The following PRKD1 variants were observed in gnomAD, a reference collection of about 807,000 sequenced individuals.
PRKD1 encodes the protein protein kinase D1, also known as serine/threonine-protein kinase D1.
Under a neutral mutation model 95.9 loss-of-function variants are expected in PRKD1, and 63 were observed. The ratio of observed to expected loss-of-function variants is 0.66; its 90% confidence interval spans 0.54 to 0.81. The LOEUF (loss-of-function observed/expected upper bound fraction) is 0.81, where lower values mean the gene tolerates loss of function less well. Ranked by LOEUF, PRKD1 falls within the 30% of genes least tolerant of loss-of-function variation. The pLI is 0.00. For synonymous variants in PRKD1, 425 were observed against 423.1 expected (o/e 1.00, Z -0.05); for missense variants, 1,048 against 1,165.3 (o/e 0.90, Z 1.47).
rs1893367728 is a variant in PRKD1, at chr14:29,597,881, G to T, written c.2167-123C>A. ...CTTTACCTTTACATTAAATGATATG[G>T]ATTTCTTAAAGTAATAGCTATTTTC... On this transcript the variant is annotated intron_variant, in intron 15 of 17. Transcript: ENST00000331968. 3 of 1,058,626 alleles carry T rather than the reference G, an allele frequency of 2.8e-6. No homozygotes were observed. In the East Asian group the frequency reaches 7.9e-5, roughly 28 times the overall value. 65.6% of individuals were successfully genotyped at this position (1,058,626 alleles called of 1,614,324 possible).
intron 10 of PRKD1, among the ~76,000 whole-genome samples, chr14:29,630,314 A>AT (rs1255996806): frequency 6.6e-6 from 1 of 151,826 alleles, no homozygotes; most frequent in East Asian, 1.9e-4. Flanking sequence ...TAATTTTTGT[A>AT]TTTTTTGTAG....
intron 1 of PRKD1, among the ~76,000 whole-genome samples, chr14:29,823,950 G>A (rs931999509): frequency 2.6e-5 from 4 of 152,006 alleles, no homozygotes; most frequent in Non-Finnish European, 4.4e-5. Flanking sequence ...AGAACTCTGG[G>A]GCTAAGCCTT....
intron 1 of PRKD1, among the ~76,000 whole-genome samples, chr14:29,726,114 T>C (rs982323153): frequency 3.9e-5 from 6 of 152,198 alleles, no homozygotes; most frequent in Non-Finnish European, 5.9e-5. Flanking sequence ...GTCTGTCTGT[T>C]TTGGCATATT....
rs45602143 is a variant in PRKD1 at position 29,635,032 on chromosome 14, T to A, written c.1191-491A>T. 5.3e-3 allele frequency among the ~76,000 whole-genome samples: 784 copies of A among 149,280 alleles called. 6 individuals carry two copies. Among genetic ancestry groups the A allele is most frequent in the Non-Finnish European group, 6.0e-3 (405 of 67,492 alleles). ...CTGGGTGACAGAGCAAGACTCCATC[T>A]GAAAAAAAAAAAAATTCCCAAGGCT... On this transcript the variant is annotated intron_variant, in intron 7 of 17. Transcript: ENST00000331968.
intron 1 of PRKD1, among the ~76,000 whole-genome samples, chr14:29,846,205 T>C (rs901129875): frequency 6.6e-6 from 1 of 151,938 alleles, no homozygotes; most frequent in Non-Finnish European, 1.5e-5. Context: ...ACAAGAAAAA[T>C]CCCTGATTTA....
chr14:29,751,683 T>C (rs1887485392), intron 1 of PRKD1, among the ~76,000 whole-genome samples: 2 of 152,228 alleles, frequency 1.3e-5, no homozygotes, highest in Admixed American at 1.3e-4. Flanking sequence ...ATTGAATATA[T>C]ACATGGCAGA....
At chr14:29,623,995 T>C (rs973263630) in intron 13 of PRKD1, among the ~76,000 whole-genome samples, 157 bp downstream of exon 13, 6 of 152,190 alleles carry the variant, frequency 3.9e-5, no homozygotes, top group Non-Finnish European at 7.4e-5. Context: ...AAAGATACTA[T>C]TGAGGCAAGT....
intron 4 of PRKD1, among the ~76,000 whole-genome samples, chr14:29,641,987 G>A (rs112951975): frequency 3.5e-5 from 5 of 142,284 alleles, no homozygotes; most frequent in African/African-American, 7.8e-5. Context: ...CACTGCAGCC[G>A]CTGCCTCCCA....
At position 29,679,723 on chromosome 14, in the gene PRKD1, AT is replaced by A. The variant is rs1360804167; in HGVS notation, c.404-13516del. On this transcript the variant is annotated intron_variant, in intron 2 of 17. Coordinates refer to ENST00000331968, the MANE Select transcript of PRKD1 (RefSeq NM_002742.3). ...CTGTAAAAGATGAAGGAAGGTACAA[AT>A]CTTTTTTTTTTTTTTTTTTCTGATC... Among the ~76,000 whole-genome samples, 23 of 132,958 alleles carry A rather than the reference AT, an allele frequency of 1.7e-4. 1 individual carries two copies. The highest frequency in any genetic ancestry group is 1.2e-3 in the Admixed American group (16 of 13,114). 87.2% of individuals were successfully genotyped at this position (132,958 alleles called of 152,430 possible). A position where few individuals can be genotyped will look rare whatever the true frequency, so the allele number is the denominator to read the frequency against.
chr14:29,811,544 C>T (rs1427356360), intron 1 of PRKD1, among the ~76,000 whole-genome samples: 1 of 152,192 alleles, frequency 6.6e-6, no homozygotes, highest in Non-Finnish European at 1.5e-5. Context: ...AGTGGCACTC[C>T]TAGAAGGGGC....
chr14:29,847,381 A>G (rs1158970526), intron 1 of PRKD1, among the ~76,000 whole-genome samples: 2 of 152,156 alleles, frequency 1.3e-5, no homozygotes, highest in African/African-American at 4.8e-5. Context: ...CTCCATATAC[A>G]ACATGAGGTT....
At chr14:29,592,337 A>G (rs963463055) in intron 16 of PRKD1, among the ~76,000 whole-genome samples, 15 of 152,184 alleles carry the variant, frequency 9.9e-5, no homozygotes, top group Admixed American at 3.9e-4. Context: ...TTGTAAATAT[A>G]TAATTCATGC....
At chr14:29,879,154 C>T (rs1036481680) in intron 1 of PRKD1, among the ~76,000 whole-genome samples, 3 of 152,128 alleles carry the variant, frequency 2.0e-5, no homozygotes, top group Admixed American at 1.3e-4. Flanking sequence ...CACCTTGCAC[C>T]AAATCCTTCT....
intron 1 of PRKD1, among the ~76,000 whole-genome samples, chr14:29,809,931 G>C (rs1182951697): frequency 6.6e-6 from 1 of 152,172 alleles, no homozygotes; most frequent in East Asian, 1.9e-4. Flanking sequence ...TACAATGAAA[G>C]ACATGTGACT....
At chr14:29,610,545 CAA>C (rs1482156662) in intron 13 of PRKD1, among the ~76,000 whole-genome samples, 2 of 152,140 alleles carry the variant, frequency 1.3e-5, no homozygotes, top group Non-Finnish European at 2.9e-5. Flanking sequence ...TGTGGAGTAA[CAA>C]GAACTTTAAT....
intron 1 of PRKD1, among the ~76,000 whole-genome samples, chr14:29,856,562 G>C (rs1892512135): frequency 6.6e-6 from 1 of 152,186 alleles, no homozygotes; most frequent in Non-Finnish European, 1.5e-5. Context: ...AAAATCTGCA[G>C]CAATAAGCTC....
chr14:29,843,822 G>A (rs1376084355), intron 1 of PRKD1, among the ~76,000 whole-genome samples: 2 of 152,186 alleles, frequency 1.3e-5, no homozygotes, highest in Non-Finnish European at 1.5e-5. Flanking sequence ...AGAGAAAACA[G>A]TATGGGAGAT....
chr14:29,623,355 G>T lies in PRKD1; in HGVS notation c.1905+797C>A, dbSNP rs45455299. 2.6e-3 allele frequency among the ~76,000 whole-genome samples: 402 copies of T among 152,104 alleles called. 2 individuals are homozygous for T. The highest frequency in any genetic ancestry group is 9.5e-3 in the African/African-American group (395 of 41,516). ...GAAACTCAATAAATGGCAGTTAAAT[G>T]AAACTATAAATGAAGAAATGAAATG... On this transcript the variant is annotated intron_variant, in intron 13 of 17. Transcript: ENST00000331968.
At position 29,597,280 on chromosome 14, in the gene PRKD1, G is replaced by A. The variant is rs151042045; in HGVS notation, c.2434+211C>T. ...AAATGTACCAAAATACATTCTCTCT[G>A]GTTGTTCACTTACTTCTTAATATAT... On this transcript the variant is annotated intron_variant, in intron 16 of 17. Transcript: ENST00000331968. Among the ~76,000 whole-genome samples, 11 of 152,044 alleles carry A rather than the reference G, an allele frequency of 7.2e-5. No individual in the cohort carries two copies. In the South Asian group the frequency reaches 2.1e-3, roughly 29 times the overall value.
Sources: gnomAD v4.1 joint callset for allele counts (sites outside exome capture counted in the v4.1 genomes callset) on GRCh38, gnomAD v4.1.1 for gene constraint, MANE v1.5 for transcripts, NCBI Gene and HGNC (gene_info 2026-07-23, HGNC 2026-07-21) for gene names.